ANKS1B: variants seen among roughly 807,000 people sequenced by gnomAD.
The protein encoded by ANKS1B is ankyrin repeat and sterile alpha motif domain containing 1B, also known as ankyrin repeat and sterile alpha motif domain-containing protein 1B.
A neutral mutation model predicts 148.3 loss-of-function variants in ANKS1B; 36 were observed. That is an observed-to-expected ratio of 0.24 (90% CI 0.19 to 0.32). The LOEUF is 0.32. Ranked by LOEUF, ANKS1B falls within the 10% of genes least tolerant of loss-of-function variation. ANKS1B has a pLI of 1.00. For missense variants in ANKS1B, 1,157 were observed against 1,542.6 expected, an observed-to-expected ratio of 0.75 and a Z score of 4.19; for synonymous variants, 542 against 560.8, an observed-to-expected ratio of 0.97 and a Z score of 0.47.
At chr12:99,914,617 A>C (rs573923742) in intron 1 of ANKS1B, among the ~76,000 whole-genome samples, 1 of 152,256 alleles carries the variant, frequency 6.6e-6, no homozygotes, top group African/African-American at 2.4e-5. Context: ...GATTTGATGA[A>C]GGAGCTTAGC....
intron 17 of ANKS1B, among the ~76,000 whole-genome samples, chr12:99,022,095 C>G (rs1214458201): frequency 6.6e-6 from 1 of 152,182 alleles, no homozygotes; most frequent in Non-Finnish European, 1.5e-5. Flanking sequence ...GAGATGCTTA[C>G]CAAACCCATT....
chr12:99,504,823 T>A (rs1413850161), intron 9 of ANKS1B, among the ~76,000 whole-genome samples, 182 bp from the exon 10 acceptor site: 1 of 151,906 alleles, frequency 6.6e-6, no homozygotes, highest in Non-Finnish European at 1.5e-5. Context: ...TTTTTAAGAG[T>A]CCTCATAATT....
chr12:98,916,844 T>C (rs1023268696), intron 17 of ANKS1B, among the ~76,000 whole-genome samples: 11 of 152,214 alleles, frequency 7.2e-5, no homozygotes, highest in Non-Finnish European at 1.5e-5. Context: ...TGTGCCACAA[T>C]TCCTGGTACA....
At chr12:99,462,671 C>A (rs1022757376) in intron 10 of ANKS1B, among the ~76,000 whole-genome samples, 7 of 152,100 alleles carry the variant, frequency 4.6e-5, no homozygotes, top group Admixed American at 3.9e-4. Context: ...ATTTGATATT[C>A]TCTGATATGG....
chr12:99,005,077 A>G (rs2099935338), intron 17 of ANKS1B, among the ~76,000 whole-genome samples: 1 of 152,224 alleles, frequency 6.6e-6, no homozygotes, highest in African/African-American at 2.4e-5. Flanking sequence ...TCTCATAAAA[A>G]GTCCCTTGCT....
At chr12:99,280,212 G>A (rs147908227) in intron 12 of ANKS1B, among the ~76,000 whole-genome samples, 1 of 151,770 alleles carries the variant, frequency 6.6e-6, no homozygotes, top group Admixed American at 6.6e-5. Flanking sequence ...GTGAGAGAGA[G>A]AGAGAAAGAG....
intron 2 of ANKS1B, among the ~76,000 whole-genome samples, chr12:99,824,678 T>A (rs17472626): frequency 0.15 from 22,144 of 152,064 alleles, 1,989 homozygotes; most frequent in Non-Finnish European, 0.2. Context: ...ACTCTGTCAC[T>A]AAACCATTAG....
intron 10 of ANKS1B, among the ~76,000 whole-genome samples, chr12:99,450,909 T>C (rs1006321014): frequency 6.6e-6 from 1 of 152,218 alleles, no homozygotes; most frequent in African/African-American, 2.4e-5. Context: ...AAGCATATTC[T>C]AGAAGATATA....
chr12:98,970,382 C>T (rs1267443863), intron 17 of ANKS1B, among the ~76,000 whole-genome samples: 1 of 152,142 alleles, frequency 6.6e-6, no homozygotes, highest in African/African-American at 2.4e-5. Context: ...ACACAAAGGG[C>T]CATGCAGACT....
chr12:99,852,543 A>C (rs116609491), intron 1 of ANKS1B, among the ~76,000 whole-genome samples: 9,585 of 152,280 alleles, frequency 0.063, 336 homozygotes, highest in Middle Eastern at 0.15. Flanking sequence ...TCCAAATCCC[A>C]AGAAAAATCA....
At chr12:99,310,728 G>A (rs1218131069) in intron 12 of ANKS1B, among the ~76,000 whole-genome samples, 1 of 152,060 alleles carries the variant, frequency 6.6e-6, no homozygotes, top group Non-Finnish European at 1.5e-5. Flanking sequence ...TAGATCTTGG[G>A]AGTTGCCTGC....
chr12:99,327,225 T>C lies in ANKS1B; in HGVS notation c.1756+72406A>G, dbSNP rs2086544835. 2.5e-5 allele frequency among the ~76,000 whole-genome samples: 3 copies of C among 118,470 alleles called. No homozygotes were observed. The Admixed American group carries it at 3.1e-4, about 12-fold the overall frequency. 77.7% of individuals were successfully genotyped at this position (118,470 alleles called of 152,430 possible). A position where few individuals can be genotyped will look rare whatever the true frequency, so the allele number is the denominator to read the frequency against. ...ATATTATCTATTATATAATATAATTTATAATTATAATAATTATAATTTATT... is the reference window on the plus strand; with the variant it reads ...ATATTATCTATTATATAATATAATTCATAATTATAATAATTATAATTTATT... On this transcript the variant is annotated intron_variant, in intron 12 of 26. Coordinates refer to ENST00000683438, the MANE Select transcript of ANKS1B (RefSeq NM_001352186.2).
intron 1 of ANKS1B, among the ~76,000 whole-genome samples, chr12:99,982,946 C>T (rs1245214154): frequency 6.6e-6 from 1 of 152,196 alleles, no homozygotes; most frequent in Non-Finnish European, 1.5e-5. Flanking sequence ...ATTGCACTGT[C>T]TGACCACCAC....
At chr12:99,700,121 T>A (rs1215924586) in intron 8 of ANKS1B, among the ~76,000 whole-genome samples, 6 of 152,146 alleles carry the variant, frequency 3.9e-5, no homozygotes, top group Admixed American at 6.6e-5. Context: ...ATCAAAAAAA[T>A]TAACAATGCT....
chr12:99,602,870 A>G (rs1205468634), intron 9 of ANKS1B, among the ~76,000 whole-genome samples: 2 of 152,136 alleles, frequency 1.3e-5, no homozygotes, highest in East Asian at 1.9e-4. Flanking sequence ...CTCAAAAACA[A>G]TTAGTTAGAA....
intron 14 of ANKS1B, among the ~76,000 whole-genome samples, chr12:99,208,887 G>C (rs1347789414): frequency 1.3e-5 from 2 of 151,942 alleles, no homozygotes; most frequent in African/African-American, 4.8e-5. Context: ...GTATACTTTT[G>C]TGAACAAAAG....
rs148289046 is a variant in ANKS1B, at chr12:99,619,553, G to A, written c.1272+35514C>T. 2.6e-4 allele frequency among the ~76,000 whole-genome samples: 39 copies of A among 151,978 alleles called. 1 individual carries two copies. The East Asian group carries it at 6.4e-3, about 25-fold the overall frequency. On this transcript the variant is annotated intron_variant, in intron 9 of 26. Coordinates refer to ENST00000683438, the MANE Select transcript of ANKS1B (RefSeq NM_001352186.2). Reference sequence around the variant, plus strand: ...CTGGGCATAGATTGTGGTGCAGCACGGCTCTCTCTACTCACGTCCAGGCAG... The same window carrying A: ...CTGGGCATAGATTGTGGTGCAGCACAGCTCTCTCTACTCACGTCCAGGCAG...
At chr12:99,208,549 A>T (rs532173730) in intron 14 of ANKS1B, among the ~76,000 whole-genome samples, 31 of 152,284 alleles carry the variant, frequency 2.0e-4, no homozygotes, top group Non-Finnish European at 3.8e-4. Flanking sequence ...CTAGAAATAT[A>T]TCAGTCCTAA....
intron 15 of ANKS1B, among the ~76,000 whole-genome samples, chr12:99,111,321 G>A (rs1000663768): frequency 6.6e-6 from 1 of 152,038 alleles, no homozygotes; most frequent in Non-Finnish European, 1.5e-5. Context: ...TATTTCCCAG[G>A]TCCTCACTAT....
Sources: allele counts gnomAD v4.1 joint callset (sites outside exome capture counted in the v4.1 genomes callset), GRCh38; gene constraint gnomAD v4.1.1; transcripts MANE v1.5; gene names NCBI Gene and HGNC (gene_info 2026-07-23, HGNC 2026-07-21).